The following HLCS variants were observed in gnomAD, a reference collection of about 807,000 sequenced individuals.
HLCS encodes the protein holocarboxylase synthetase, also known as biotin--protein ligase.
In HLCS, 53 loss-of-function variants were observed where a neutral mutation model predicts 75.0. The observed-to-expected ratio is 0.71, with a 90% confidence interval of 0.57 to 0.89. HLCS has a LOEUF of 0.89. Ranked by LOEUF, HLCS falls within the 40% of genes least tolerant of loss-of-function variation. HLCS has a pLI of 0.00. For synonymous variants in HLCS, 431 were observed against 428.6 expected (o/e 1.01, Z -0.07); for missense variants, 966 against 1,074.0 (o/e 0.90, Z 1.41).
intron 6 of HLCS, among the ~76,000 whole-genome samples, chr21:36,768,667 G>C (rs545312535): frequency 3.3e-5 from 5 of 152,202 alleles, no homozygotes; most frequent in African/African-American, 7.2e-5. Context: ...GGACGCTTTC[G>C]GCGAGCAGGC....
At chr21:36,949,377 C>T (rs1358580888) in intron 2 of HLCS, among the ~76,000 whole-genome samples, 2 of 152,216 alleles carry the variant, frequency 1.3e-5, no homozygotes, top group African/African-American at 2.4e-5. Flanking sequence ...GGGCTGTCCA[C>T]GAAGAGCCAC....
chr21:36,840,743 G>C (rs1042942537), intron 6 of HLCS, among the ~76,000 whole-genome samples: 12 of 152,144 alleles, frequency 7.9e-5, no homozygotes, highest in South Asian at 2.1e-4. Flanking sequence ...CTCCCGAATA[G>C]CTGGGATTAC....
At chr21:36,854,974 T>G (rs555785380) in intron 6 of HLCS, among the ~76,000 whole-genome samples, 98 of 152,126 alleles carry the variant, frequency 6.4e-4, no homozygotes, top group Non-Finnish European at 1.3e-3. Flanking sequence ...TTGGGTAAAG[T>G]CCATACAAGC....
intron 5 of HLCS, among the ~76,000 whole-genome samples, chr21:36,903,656 T>A (rs1009565668): frequency 1.4e-4 from 22 of 152,184 alleles, no homozygotes; most frequent in African/African-American, 5.3e-4. Flanking sequence ...GCAGGAATTA[T>A]CCTCTAAAGT....
At chr21:36,932,662 C>T (rs1391323026) in intron 4 of HLCS, among the ~76,000 whole-genome samples, 1 of 152,168 alleles carries the variant, frequency 6.6e-6, no homozygotes, top group African/African-American at 2.4e-5. Flanking sequence ...AAACTGAGCT[C>T]GTCTGCCTTA....
chr21:36,983,668 T>C (rs189916933), intron 1 of HLCS, among the ~76,000 whole-genome samples: 1,595 of 151,594 alleles, frequency 0.011, 12 homozygotes, highest in Non-Finnish European at 0.017. Flanking sequence ...AAACCCAGTC[T>C]CTACTAAAAA....
chr21:36,893,375 T>G (rs1041696548), intron 6 of HLCS, among the ~76,000 whole-genome samples: 1 of 152,128 alleles, frequency 6.6e-6, no homozygotes, highest in Non-Finnish European at 1.5e-5. Flanking sequence ...CCTGGCCATA[T>G]CCAACATTTT....
chr21:36,930,245 AC>A lies in HLCS; in HGVS notation c.1620+5del. ...CGCGCTCTGCCCAGCTGAGCCCACA[AC>A]TCACCTCCGCAGCTGACAGCAAGTA... On this transcript the variant is annotated splice_donor_5th_base_variant and intron_variant, in intron 5 of 10. Coordinates refer to ENST00000674895, the MANE Select transcript of HLCS (RefSeq NM_001352514.2). 6.3e-7 allele frequency: 1 copy of A among 1,577,620 alleles called. No homozygotes were observed.
At chr21:36,820,553 C>T (rs1175228701) in intron 6 of HLCS, among the ~76,000 whole-genome samples, 3 of 152,276 alleles carry the variant, frequency 2.0e-5, no homozygotes, top group African/African-American at 7.2e-5. Context: ...TGTGCACATG[C>T]TCAGGGCGGC....
chr21:36,886,036 C>G (rs1394404668), intron 6 of HLCS, among the ~76,000 whole-genome samples: 3 of 151,734 alleles, frequency 2.0e-5, no homozygotes, highest in African/African-American at 7.3e-5. Flanking sequence ...CAAATACTTT[C>G]TACCCCAGCT....
At chr21:36,849,464 C>A (rs574185875) in intron 6 of HLCS, among the ~76,000 whole-genome samples, 11 of 152,338 alleles carry the variant, frequency 7.2e-5, no homozygotes, top group African/African-American at 2.6e-4. Context: ...GACCCTGGTA[C>A]CTCCTTCTGC....
rs1480357464 is a variant in HLCS, at chr21:36,936,384, CAT to C, written c.1437+63_1437+64del. 3.7e-6 allele frequency: 5 copies of C among 1,361,876 alleles called. No individual in the cohort carries two copies. The East Asian group carries it at 6.8e-5, about 19-fold the overall frequency. The allele number at this position is 1,361,876 out of a possible 1,614,324, so 84.4% of individuals were successfully genotyped here. ...CTTTTAAGCGTGTACCTTTAAAAGA[CAT>C]ATTCCCTCGCAAAAATACCCACAGA... On this transcript the variant is annotated intron_variant, in intron 4 of 10. Transcript: ENST00000674895.
At chr21:36,896,336 C>T (rs576718311) in intron 6 of HLCS, among the ~76,000 whole-genome samples, 1 of 152,208 alleles carries the variant, frequency 6.6e-6, no homozygotes, top group Non-Finnish European at 1.5e-5. Flanking sequence ...GGTGACAGAG[C>T]AAGATCCTAT....
At chr21:36,937,473 C>A in intron 3 of HLCS, 81 bp from the exon 4 acceptor site, 1 of 1,220,976 alleles carries the variant, frequency 8.2e-7, no homozygotes, top group Non-Finnish European at 1.2e-6. Context: ...AGAATCTCAT[C>A]ACCCTCTCTG....
At chr21:36,801,997 A>G (rs1601314846) in intron 6 of HLCS, among the ~76,000 whole-genome samples, 1 of 152,304 alleles carries the variant, frequency 6.6e-6, no homozygotes, top group African/African-American at 2.4e-5. Context: ...TTTAATAACA[A>G]TATTCATAAT....
intron 6 of HLCS, among the ~76,000 whole-genome samples, chr21:36,837,290 C>A (rs748394521): frequency 6.6e-6 from 1 of 152,178 alleles, no homozygotes. Flanking sequence ...TTTGTGAAAA[C>A]CTGAAGCATT....
chr21:36,765,162 C>A lies in HLCS; in HGVS notation c.1971G>T (p.Gly657=), dbSNP rs371499416. Residue 657 remains glycine, a synonymous_variant, in exon 8 of 11, where the codon GGG becomes GGT. Coordinates refer to ENST00000674895, the MANE Select transcript of HLCS (RefSeq NM_001352514.2). ...ATCCCACAGGGCTCAGCCACACATTCCCTCCCCGTCCTGGAACACAGGCCA... is the reference window on the plus strand; with the variant it reads ...ATCCCACAGGGCTCAGCCACACATTACCTCCCCGTCCTGGAACACAGGCCA... ...ARQTEGKGRG[G]NVWLSPVGCA... is the part of the protein sequence containing the mutation. 4 of 1,614,084 alleles carry A rather than the reference C, an allele frequency of 2.5e-6. No homozygotes were observed. In the African/African-American group the frequency reaches 5.3e-5, roughly 22 times the overall value.
chr21:36,798,482 T>C (rs564598577), intron 6 of HLCS, among the ~76,000 whole-genome samples: 1 of 152,378 alleles, frequency 6.6e-6, no homozygotes, highest in Admixed American at 6.5e-5. Flanking sequence ...AGTCTTTGTA[T>C]GGACAAATGT....
rs191796295 is a variant in HLCS, at chr21:36,752,070, T to G, written c.*2176A>C. 6.5e-6 allele frequency: 1 copy of G among 152,772 alleles called. No individual in the cohort carries two copies. Among genetic ancestry groups the G allele is most frequent in the Non-Finnish European group, 1.5e-5 (1 of 68,040 alleles). 9.5% of individuals were successfully genotyped at this position (152,772 alleles called of 1,614,324 possible). Reference sequence around the variant, plus strand: ...ACAGCTATCAGTAAAATGCCTTTATTCAGCTAATTCTATAGAAGCGGAGTT... The same window carrying G: ...ACAGCTATCAGTAAAATGCCTTTATGCAGCTAATTCTATAGAAGCGGAGTT... On this transcript the variant is annotated 3_prime_UTR_variant, in exon 11 of 11. Coordinates refer to ENST00000674895, the MANE Select transcript of HLCS (RefSeq NM_001352514.2).
Sources: allele counts gnomAD v4.1 joint callset (sites outside exome capture counted in the v4.1 genomes callset), GRCh38; gene constraint gnomAD v4.1.1; transcripts MANE v1.5; gene names NCBI Gene and HGNC (gene_info 2026-07-23, HGNC 2026-07-21).